SLC9A9: variants seen among roughly 807,000 people sequenced by gnomAD.
The protein encoded by SLC9A9 is sodium/hydrogen exchanger 9.
In SLC9A9, 62 loss-of-function variants were observed where a neutral mutation model predicts 77.8. The ratio of observed to expected loss-of-function variants is 0.80; its 90% CI spans 0.65 to 0.98. SLC9A9 has a LOEUF of 0.98. Among genes scored for constraint, SLC9A9 ranks in the 50% least tolerant of loss-of-function variants. The pLI, the probability that SLC9A9 is intolerant of heterozygous loss-of-function variation, is 0.00. For synonymous variants in SLC9A9, 320 were observed against 283.5 expected (o/e 1.13, Z -1.29); for missense variants, 775 against 774.9 (o/e 1.00, Z 0.00).
intron 2 of SLC9A9, among the ~76,000 whole-genome samples, chr3:143,829,247 T>G (rs1382975319): frequency 2.0e-5 from 3 of 152,132 alleles, no homozygotes; most frequent in Non-Finnish European, 4.4e-5. Flanking sequence ...ACTTTTACCC[T>G]ACAAACTTCA....
At position 143,519,076 on chromosome 3, in the gene SLC9A9, G is replaced by A. The variant is rs566661195; in HGVS notation, c.1090-23628C>T. Reference sequence around the variant, plus strand: ...GCCAGCTACTGTTGTAGGTGCTGGAGATGCAGTAGTGAACAAAACTGACAA... The same window carrying A: ...GCCAGCTACTGTTGTAGGTGCTGGAAATGCAGTAGTGAACAAAACTGACAA... On this transcript the variant is annotated intron_variant, in intron 9 of 15. Coordinates refer to ENST00000316549, the MANE Select transcript of SLC9A9 (RefSeq NM_173653.4). 3.9e-5 allele frequency among the ~76,000 whole-genome samples: 6 copies of A among 152,308 alleles called. No individual in the cohort carries two copies. In the East Asian group the frequency reaches 1.2e-3, roughly 29 times the overall value.
chr3:143,604,229 C>T (rs1228481179), intron 6 of SLC9A9, among the ~76,000 whole-genome samples: 1 of 152,124 alleles, frequency 6.6e-6, no homozygotes, highest in African/African-American at 2.4e-5. Flanking sequence ...TTCCTTAGCC[C>T]TGTAAGCCCA....
At chr3:143,305,618 G>T (rs1216752969) in intron 14 of SLC9A9, among the ~76,000 whole-genome samples, 1 of 152,216 alleles carries the variant, frequency 6.6e-6, no homozygotes, top group Admixed American at 6.5e-5. Flanking sequence ...AGAGTCTACA[G>T]AAGAGGCTGC....
At chr3:143,415,607 AG>A (rs1458004468) in intron 12 of SLC9A9, among the ~76,000 whole-genome samples, 5 of 152,200 alleles carry the variant, frequency 3.3e-5, no homozygotes, top group Admixed American at 2.6e-4. Context: ...GCTCAGAAAA[AG>A]ATTCCTTTCA....
intron 12 of SLC9A9, among the ~76,000 whole-genome samples, chr3:143,428,538 A>C (rs2034448299): frequency 1.3e-5 from 2 of 152,190 alleles, no homozygotes; most frequent in African/African-American, 4.8e-5. Flanking sequence ...GTCTCTCAAA[A>C]CACTTAAAAG....
At chr3:143,840,199 G>C (rs1355999432) in intron 1 of SLC9A9, among the ~76,000 whole-genome samples, 1 of 151,904 alleles carries the variant, frequency 6.6e-6, no homozygotes, top group African/African-American at 2.4e-5. Context: ...TGATGGTGCT[G>C]GTCAGGAAAC....
chr3:143,624,851 A>G (rs1198843477), intron 6 of SLC9A9, among the ~76,000 whole-genome samples: 1 of 152,202 alleles, frequency 6.6e-6, no homozygotes, highest in Non-Finnish European at 1.5e-5. Context: ...ACATGATTGT[A>G]TATCTAGAAA....
chr3:143,381,302 T>A (rs1261378356), intron 13 of SLC9A9: 1 of 152,134 alleles, frequency 6.6e-6, no homozygotes, highest in Non-Finnish European at 1.5e-5. Flanking sequence ...CTTGTGACAG[T>A]GAATGGGTCT....
rs1286830509 is a variant in SLC9A9, at chr3:143,431,648, AT to A, written c.1469+35388del. 5.9e-5 allele frequency among the ~76,000 whole-genome samples: 9 copies of A among 151,962 alleles called. No homozygotes were observed. The East Asian group carries it at 1.6e-3, about 26-fold the overall frequency. On this transcript the variant is annotated intron_variant, in intron 12 of 15. Transcript: ENST00000316549. ...AGGCACCCGCCACCATGCCCGGCTA[AT>A]TTTTTGTATTTTTAATAGATATGGG...
intron 11 of SLC9A9, among the ~76,000 whole-genome samples, chr3:143,490,728 C>T (rs928255176): frequency 6.6e-6 from 1 of 151,990 alleles, no homozygotes; most frequent in Non-Finnish European, 1.5e-5. Context: ...AATGGCTATC[C>T]CATCTTGCTG....
At chr3:143,656,441 T>G (rs965120433) in intron 5 of SLC9A9, among the ~76,000 whole-genome samples, 8 of 152,312 alleles carry the variant, frequency 5.3e-5, no homozygotes, top group East Asian at 3.9e-4. Flanking sequence ...TTGACAATTT[T>G]TTTTAAACTG....
chr3:143,566,775 T>C (rs897029334), intron 8 of SLC9A9, among the ~76,000 whole-genome samples: 3 of 152,144 alleles, frequency 2.0e-5, no homozygotes, highest in African/African-American at 7.2e-5. Context: ...AGACATGGTG[T>C]CAATGTTGCC....
chr3:143,791,475 C>G (rs1370364081), intron 4 of SLC9A9, among the ~76,000 whole-genome samples: 1 of 152,190 alleles, frequency 6.6e-6, no homozygotes, highest in Non-Finnish European at 1.5e-5. Flanking sequence ...AATCTCTCTC[C>G]ATGGCCTTCA....
intron 4 of SLC9A9, among the ~76,000 whole-genome samples, chr3:143,748,236 G>A (rs1057452339): frequency 2.6e-4 from 40 of 152,240 alleles, no homozygotes; most frequent in African/African-American, 8.9e-4. Flanking sequence ...CATGATATGC[G>A]GGCTCTGTTT....
chr3:143,760,109 A>T (rs1012978518), intron 4 of SLC9A9, among the ~76,000 whole-genome samples: 2 of 152,164 alleles, frequency 1.3e-5, no homozygotes, highest in Admixed American at 6.6e-5. Context: ...AATATAGTAA[A>T]CATTGGCTTT....
chr3:143,500,850 G>T (rs1266478286), intron 9 of SLC9A9, among the ~76,000 whole-genome samples: 1 of 143,964 alleles, frequency 6.9e-6, no homozygotes, highest in Non-Finnish European at 1.5e-5. Flanking sequence ...AATAAAATTT[G>T]CATTTTATTG....
chr3:143,545,424 T>C (rs1342014125), intron 9 of SLC9A9, among the ~76,000 whole-genome samples: 1 of 152,236 alleles, frequency 6.6e-6, no homozygotes, highest in African/African-American at 2.4e-5. Context: ...TGCATGTGTA[T>C]GTCTTCTGCT....
chr3:143,595,987 T>A (rs1158499165), intron 6 of SLC9A9, among the ~76,000 whole-genome samples: 4 of 152,174 alleles, frequency 2.6e-5, no homozygotes, highest in Admixed American at 6.5e-5. Flanking sequence ...AATGTTTTTA[T>A]GTTTCAGTCA....
chr3:143,813,188 C>T (rs1450446379), intron 2 of SLC9A9, among the ~76,000 whole-genome samples: 1 of 151,908 alleles, frequency 6.6e-6, no homozygotes, highest in Non-Finnish European at 1.5e-5. Context: ...ATGATACAAA[C>T]AGAAAATGAT....
Sources: gnomAD v4.1 joint callset for allele counts (sites outside exome capture counted in the v4.1 genomes callset) on GRCh38, gnomAD v4.1.1 for gene constraint, MANE v1.5 for transcripts, NCBI Gene and HGNC (gene_info 2026-07-23, HGNC 2026-07-21) for gene names.